TXLNB: variants seen among roughly 807,000 people sequenced by gnomAD.
TXLNB encodes beta-taxilin.
Under a neutral mutation model 57.4 loss-of-function variants are expected in TXLNB, and 37 were observed. The observed-to-expected ratio is 0.64, with a 90% CI of 0.50 to 0.85. The LOEUF is 0.85. TXLNB is among the 40% of genes least tolerant of loss of function. TXLNB has a pLI of 0.00. For synonymous variants in TXLNB, 302 were observed against 309.6 expected (o/e 0.98, Z 0.26); for missense variants, 848 against 825.6 (o/e 1.03, Z -0.33).
At chr6:139,165,740 G>A in the TXLNB span, among the ~76,000 whole-genome samples, 26 of 152,240 alleles carry the variant, frequency 1.7e-4, no homozygotes, top group Non-Finnish European at 2.9e-4. Flanking sequence ...TTGGGTTAGC[G>A]GATTCTACTT....
At chr6:139,268,020 G>A (rs1472928256) in intron 4 of TXLNB, among the ~76,000 whole-genome samples, 2 of 151,802 alleles carry the variant, frequency 1.3e-5, no homozygotes, top group East Asian at 1.9e-4. Context: ...GCATGGTGGC[G>A]GGTGCCTGTA....
At chr6:139,315,857 A>G in the TXLNB span, among the ~76,000 whole-genome samples, 1 of 152,218 alleles carries the variant, frequency 6.6e-6, no homozygotes, top group Non-Finnish European at 1.5e-5. Context: ...CCATTTAATC[A>G]ACAGACTTAA....
intron 6 of TXLNB, among the ~76,000 whole-genome samples, chr6:139,258,732 C>T (rs1776406633): frequency 6.6e-6 from 1 of 152,174 alleles, no homozygotes; most frequent in African/African-American, 2.4e-5. Context: ...CTCTCTCACC[C>T]CAGCAACAGA....
chr6:139,182,590 G>A, the TXLNB span, among the ~76,000 whole-genome samples: 1 of 152,116 alleles, frequency 6.6e-6, no homozygotes, highest in Non-Finnish European at 1.5e-5. Context: ...AAAGGGGGAA[G>A]AAATTCTTGT....
At chr6:139,250,293 C>A (rs1776167890) in intron 7 of TXLNB, among the ~76,000 whole-genome samples, 1 of 151,406 alleles carries the variant, frequency 6.6e-6, no homozygotes, top group Admixed American at 6.6e-5. Context: ...TGTACCCAGC[C>A]AATCATGTGC....
the TXLNB span, among the ~76,000 whole-genome samples, chr6:139,196,721 T>G: frequency 3.3e-5 from 5 of 152,138 alleles, no homozygotes; most frequent in Admixed American, 3.3e-4. Context: ...ATAGGAAATA[T>G]TACTGCAATG....
chr6:139,176,612 G>A, the TXLNB span, among the ~76,000 whole-genome samples: 2 of 152,136 alleles, frequency 1.3e-5, no homozygotes, highest in Non-Finnish European at 2.9e-5. This position sits in a 1 kb window ranked among gnomAD's most constrained non-coding sequence, Gnocchi z 4.5. Context: ...AAGAAGTTTC[G>A]TGGAGGTTTG....
At chr6:139,225,196 T>C in the TXLNB span, among the ~76,000 whole-genome samples, 2 of 152,122 alleles carry the variant, frequency 1.3e-5, no homozygotes, top group East Asian at 3.8e-4. Flanking sequence ...TGATAGAAAA[T>C]GTCTACAGAT....
chr6:139,223,539 C>G, the TXLNB span, among the ~76,000 whole-genome samples: 3 of 151,966 alleles, frequency 2.0e-5, no homozygotes, highest in Non-Finnish European at 2.9e-5. Flanking sequence ...TTTTCGCAAC[C>G]TACTCATCTG....
At chr6:139,201,905 G>C in the TXLNB span, 8 of 152,182 alleles carry the variant, frequency 5.3e-5, no homozygotes, top group African/African-American at 1.9e-4. Flanking sequence ...GAAAACACCG[G>C]GGAAAATTAA....
chr6:139,288,408 T>G, intron 2 of TXLNB, 68 bp downstream of exon 2: 1 of 1,437,482 alleles, frequency 7.0e-7, no homozygotes. Flanking sequence ...TTAGTGAAGT[T>G]TGGAAGAAGT....
chr6:139,166,158 A>G, the TXLNB span: 13 of 754,070 alleles, frequency 1.7e-5, no homozygotes, highest in Non-Finnish European at 2.9e-5. Flanking sequence ...TCTTTAAAGG[A>G]ACCCTGGAAC....
chr6:139,296,590 G>C (rs534861859), upstream of TXLNB, among the ~76,000 whole-genome samples: 1 of 151,742 alleles, frequency 6.6e-6, no homozygotes, highest in East Asian at 1.9e-4. Flanking sequence ...TCTCTTTTTC[G>C]TCATTGTTGC....
chr6:139,323,217 C>G, the TXLNB span, among the ~76,000 whole-genome samples: 3 of 151,552 alleles, frequency 2.0e-5, no homozygotes, highest in African/African-American at 7.3e-5. Flanking sequence ...GTGGTTTGGG[C>G]TCTTTTGTTT....
chr6:139,304,265 T>C, the TXLNB span, among the ~76,000 whole-genome samples: 1 of 152,228 alleles, frequency 6.6e-6, no homozygotes, highest in East Asian at 1.9e-4. Context: ...GCTATAAATA[T>C]ATCAGTTAAA....
At chr6:139,295,115 CT>C (rs1777367266), upstream of TXLNB, among the ~76,000 whole-genome samples, 1 of 152,086 alleles carries the variant, frequency 6.6e-6, no homozygotes, top group Admixed American at 6.5e-5. Context: ...CTAATTGGCC[CT>C]AACTTGAATA....
At chr6:139,233,575 G>A in the TXLNB span, among the ~76,000 whole-genome samples, 1 of 151,876 alleles carries the variant, frequency 6.6e-6, no homozygotes, top group Non-Finnish European at 1.5e-5. Context: ...TAAGTGTCTG[G>A]TGTTTCCTTT....
the TXLNB span, among the ~76,000 whole-genome samples, chr6:139,196,767 C>A: frequency 1.3e-5 from 2 of 152,160 alleles, no homozygotes; most frequent in Non-Finnish European, 2.9e-5. Flanking sequence ...ATTAAAACCT[C>A]AGCCAAGATA....
At chr6:139,301,574 C>T in the TXLNB span, among the ~76,000 whole-genome samples, 7 of 152,212 alleles carry the variant, frequency 4.6e-5, no homozygotes, top group African/African-American at 1.7e-4. Context: ...GATGGGATCA[C>T]TAAGTCTTCC....
Sources: allele counts gnomAD v4.1 joint callset (sites outside exome capture counted in the v4.1 genomes callset), GRCh38; gene constraint gnomAD v4.1.1; non-coding constraint Gnocchi (gnomAD v3.1); transcripts MANE v1.5; gene names NCBI Gene and HGNC (gene_info 2026-07-23, HGNC 2026-07-21).